SDCCAG8: variants seen among roughly 807,000 people sequenced by gnomAD.
SDCCAG8 encodes SHH signaling and ciliogenesis regulator SDCCAG8, also known as serologically defined colon cancer antigen 8.
Under a neutral mutation model 101.8 loss-of-function variants are expected in SDCCAG8, and 74 were observed. The ratio of observed to expected loss-of-function variants is 0.73; its 90% CI spans 0.60 to 0.88. The LOEUF is 0.88. SDCCAG8 is among the 40% of genes least tolerant of loss of function. SDCCAG8 has a pLI of 0.00. For synonymous variants in SDCCAG8, 281 were observed against 292.9 expected, an observed-to-expected ratio of 0.96 and a Z score of 0.41; for missense variants, 787 against 822.6, an observed-to-expected ratio of 0.96 and a Z score of 0.53.
intron 17 of SDCCAG8, among the ~76,000 whole-genome samples, chr1:243,497,677 ATTTTAC>A (rs1668372384): frequency 6.6e-6 from 1 of 152,052 alleles, no homozygotes; most frequent in Non-Finnish European, 1.5e-5. Flanking sequence ...TCCGCAACAC[ATTTTAC>A]TTTTACTTCA....
At chr1:243,425,208 A>C (rs1238898700) in intron 15 of SDCCAG8, among the ~76,000 whole-genome samples, 2 of 152,154 alleles carry the variant, frequency 1.3e-5, no homozygotes, top group Non-Finnish European at 2.9e-5. Context: ...CACAGAGCAC[A>C]ATTTAAAAGA....
At chr1:243,259,536 G>A (rs891175223) in intron 1 of SDCCAG8, among the ~76,000 whole-genome samples, 1 of 151,854 alleles carries the variant, frequency 6.6e-6, no homozygotes, top group African/African-American at 2.4e-5. Flanking sequence ...TTTTTAAAAT[G>A]AGGTTGGGCG....
intron 15 of SDCCAG8, among the ~76,000 whole-genome samples, chr1:243,424,951 G>C (rs556340745): frequency 7.3e-5 from 11 of 151,506 alleles, no homozygotes; most frequent in African/African-American, 2.4e-4. Flanking sequence ...TTTAGTGCAT[G>C]GTATGATAGG....
At chr1:243,484,298 TGGC>T (rs1354365849) in intron 16 of SDCCAG8, among the ~76,000 whole-genome samples, 1 of 152,234 alleles carries the variant, frequency 6.6e-6, no homozygotes, top group Admixed American at 6.5e-5. Context: ...AGACACGCAT[TGGC>T]CTTTGCAGTG....
At chr1:243,476,991 T>C (rs1400516352) in intron 16 of SDCCAG8, among the ~76,000 whole-genome samples, 1 of 137,804 alleles carries the variant, frequency 7.3e-6, no homozygotes, top group Non-Finnish European at 1.6e-5. Context: ...TACTGTCAAC[T>C]GGTTCTGTAC....
At chr1:243,353,489 T>TAA (rs2076204917) in intron 12 of SDCCAG8, among the ~76,000 whole-genome samples, 1 of 5,152 alleles carries the variant, frequency 1.9e-4, no homozygotes, top group Non-Finnish European at 4.6e-4. Flanking sequence ...AGATTCCATC[T>TAA]CAAAAAAAAA....
At chr1:243,345,050 G>A (rs1202260623) in intron 12 of SDCCAG8, among the ~76,000 whole-genome samples, 1 of 152,118 alleles carries the variant, frequency 6.6e-6, no homozygotes, top group Non-Finnish European at 1.5e-5. Context: ...ATGAAAGCAG[G>A]TTGTTTATTC....
chr1:243,426,430 T>G lies in SDCCAG8; in HGVS notation c.1857T>G (p.Ser619=). 1 of 1,613,098 alleles carries G rather than the reference T, an allele frequency of 6.2e-7. No individual in the cohort carries two copies. Among genetic ancestry groups the G allele is most frequent in the East Asian group, 2.2e-5 (1 of 44,824 alleles). ...ATTTTTGTGTTTTCACCTCTAGATC[T>G]GAAATAGCTCAACTCAGTCAAGAAA... ...KLEQISQKTR[S]EIAQLSQEKR... Residue 619 remains serine, a synonymous_variant, in exon 16 of 18, where the codon TCT becomes TCG. Coordinates refer to ENST00000366541, the MANE Select transcript of SDCCAG8 (RefSeq NM_006642.5).
intron 9 of SDCCAG8, among the ~76,000 whole-genome samples, chr1:243,322,724 C>T (rs1405380917): frequency 6.6e-6 from 1 of 152,012 alleles, no homozygotes; most frequent in Non-Finnish European, 1.5e-5. Flanking sequence ...TCTTATCTTT[C>T]CAGCTTACCT....
At chr1:243,471,340 C>CT (rs1661225144) in intron 16 of SDCCAG8, among the ~76,000 whole-genome samples, 1 of 152,186 alleles carries the variant, frequency 6.6e-6, no homozygotes, top group South Asian at 2.1e-4. Context: ...TACTGCTTCC[C>CT]TTTTTTCCCC....
intron 16 of SDCCAG8, among the ~76,000 whole-genome samples, chr1:243,452,865 G>A (rs1235840515): frequency 1.3e-5 from 2 of 152,166 alleles, no homozygotes; most frequent in Non-Finnish European, 2.9e-5. Flanking sequence ...TGCCAGGCAA[G>A]GTTCTAGGTC....
chr1:243,374,792 G>A (rs1354002965), intron 12 of SDCCAG8, among the ~76,000 whole-genome samples: 2 of 152,044 alleles, frequency 1.3e-5, no homozygotes, highest in Non-Finnish European at 2.9e-5. Context: ...AGGCTTGACA[G>A]AAGATAGAGA....
rs763457094 is a variant in SDCCAG8, at chr1:243,426,463, T to C, written c.1890T>C (p.Tyr630=). ...CTCAACTCAGTCAAGAAAAAAGGTA[T>C]ACATATGATAAATTGGGAAAGTTAC... The part of the protein sequence containing the change: ...EIAQLSQEKR[Y]TYDKLGKLQR... Residue 630 remains tyrosine, a synonymous_variant, in exon 16 of 18, where the codon TAT becomes TAC. Transcript: ENST00000366541. 44 of 1,613,660 alleles carry C rather than the reference T, an allele frequency of 2.7e-5. 1 individual carries two copies. The highest frequency in any genetic ancestry group is 3.3e-5 in the Admixed American group (2 of 59,994).
In SDCCAG8 at chr1:243,299,009, T is replaced by A. The variant is rs560494422; in HGVS notation, c.676-5704T>A. 1.5e-3 allele frequency among the ~76,000 whole-genome samples: 223 copies of A among 152,370 alleles called. 3 individuals are homozygous for A. The highest frequency in any genetic ancestry group is 5.0e-3 in the African/African-American group (210 of 41,586). On this transcript the variant is annotated intron_variant, in intron 6 of 17. Transcript: ENST00000366541. ...TTATAAATTATAGGTCATTTGAGAA[T>A]CAACATTTTATGATATTATCTAATC...
chr1:243,496,180 G>A (rs889552384), intron 17 of SDCCAG8, among the ~76,000 whole-genome samples: 3 of 152,218 alleles, frequency 2.0e-5, no homozygotes, highest in African/African-American at 7.2e-5. Context: ...GAGAAATGAA[G>A]TGAATGGAAT....
chr1:243,264,042 C>A (rs1466372376), intron 1 of SDCCAG8, among the ~76,000 whole-genome samples: 1 of 152,172 alleles, frequency 6.6e-6, no homozygotes. Context: ...CATCTCATAT[C>A]TCGGCCTCGG....
intron 16 of SDCCAG8, among the ~76,000 whole-genome samples, chr1:243,461,769 A>G (rs995401246): frequency 2.0e-5 from 3 of 152,134 alleles, no homozygotes; most frequent in Non-Finnish European, 4.4e-5. Flanking sequence ...TCAATACTAT[A>G]CAGAGCTTTA....
intron 3 of SDCCAG8, 149 bp downstream of exon 3, chr1:243,271,212 G>A: frequency 1.6e-6 from 1 of 644,692 alleles, no homozygotes; most frequent in Non-Finnish European, 2.8e-6. Flanking sequence ...GATTATTTTG[G>A]CTGAAAAAAT....
intron 3 of SDCCAG8, among the ~76,000 whole-genome samples, chr1:243,273,668 T>G (rs2068280453): frequency 6.6e-6 from 1 of 152,212 alleles, no homozygotes; most frequent in Non-Finnish European, 1.5e-5. Flanking sequence ...GACACTGGCT[T>G]GGCATCAAAC....
Sources: allele counts gnomAD v4.1 joint callset (sites outside exome capture counted in the v4.1 genomes callset), GRCh38; gene constraint gnomAD v4.1.1; transcripts MANE v1.5; gene names NCBI Gene and HGNC (gene_info 2026-07-23, HGNC 2026-07-21).